C20orf203: variants seen among roughly 807,000 people sequenced by gnomAD.
The protein encoded by C20orf203 is uncharacterized protein C20orf203.
Under a neutral mutation model 15.9 loss-of-function variants are expected in C20orf203, and 16 were observed. The observed-to-expected ratio is 1.01, with a 90% CI of 0.68 to 1.53. The LOEUF (loss-of-function observed/expected upper bound fraction) is 1.53. Ranked by LOEUF, C20orf203 falls within the 40% of genes most tolerant of loss-of-function variation. The pLI, the probability that C20orf203 is intolerant of heterozygous loss-of-function variation, is 0.00. For missense variants in C20orf203, 263 were observed against 247.5 expected (o/e 1.06, Z -0.42); for synonymous variants, 98 against 97.2 (o/e 1.01, Z -0.05).
intron 1 of C20orf203, among the ~76,000 whole-genome samples, chr20:32,672,938 G>T (rs1983208283): frequency 6.6e-6 from 1 of 152,158 alleles, no homozygotes; most frequent in African/African-American, 2.4e-5. Context: ...GAAGATGGCT[G>T]GTAGGAAGGC....
chr20:32,666,437 G>A (rs1384181341), intron 1 of C20orf203, among the ~76,000 whole-genome samples: 6 of 148,636 alleles, frequency 4.0e-5, no homozygotes, highest in Admixed American at 6.7e-5. Flanking sequence ...ACTGCACTCC[G>A]GCTTGGGCAA....
rs934676485 is a variant in C20orf203, at chr20:32,651,287, C to T, written c.-14-121G>A. On this transcript the variant is annotated intron_variant, in intron 2 of 5. Coordinates refer to ENST00000608990, the MANE Select transcript of C20orf203 (RefSeq NM_182584.4). Reference sequence around the variant, plus strand: ...TCACTTCAGCCCAGAAGGTTGAGGCCGTAGTGAGCCATGATCGCCCCACTA... The same window carrying T: ...TCACTTCAGCCCAGAAGGTTGAGGCTGTAGTGAGCCATGATCGCCCCACTA... The T allele has an allele frequency of 3.4e-5, 14 of 406,286 alleles. 1 individual carries two copies. In the South Asian group the frequency reaches 6.5e-4, roughly 19 times the overall value. 25.2% of individuals were successfully genotyped at this position (406,286 alleles called of 1,614,324 possible).
At chr20:32,661,233 G>A (rs1178405944) in intron 1 of C20orf203, among the ~76,000 whole-genome samples, 4 of 152,178 alleles carry the variant, frequency 2.6e-5, no homozygotes, top group African/African-American at 9.7e-5. Context: ...CCTTCTCCAG[G>A]TGCCAGGCTC....
At chr20:32,673,077 G>C (rs1225943438) in intron 1 of C20orf203, among the ~76,000 whole-genome samples, 1 of 152,150 alleles carries the variant, frequency 6.6e-6, no homozygotes, top group Non-Finnish European at 1.5e-5. Flanking sequence ...TGGTAGTAAG[G>C]GCTGGGCATC....
chr20:32,634,161 T>C lies in C20orf203; in HGVS notation c.*1409A>G, dbSNP rs1387889528. On this transcript the variant is annotated 3_prime_UTR_variant, in exon 6 of 6. Coordinates refer to ENST00000608990, the MANE Select transcript of C20orf203 (RefSeq NM_182584.4). ...CCAGAGACCCAGAGAGATGCAGCTC[T>C]GATGGAGATGGCGCAGGCACGGGCT... 1.3e-5 allele frequency: 5 copies of C among 398,334 alleles called. No individual in the cohort carries two copies. The highest frequency in any genetic ancestry group is 2.2e-5 in the Non-Finnish European group (5 of 226,068). 24.7% of individuals were successfully genotyped at this position (398,334 alleles called of 1,614,324 possible).
At position 32,648,428 on chromosome 20, in the gene C20orf203, C is replaced by CTTTTTT. The variant is rs56838832; in HGVS notation, c.*1177+821_*1177+826dup. Among the ~76,000 whole-genome samples, 19 of 80,392 alleles carry CTTTTTT rather than the reference C, an allele frequency of 2.4e-4. 2 individuals carry two copies. Among genetic ancestry groups the CTTTTTT allele is most frequent in the East Asian group, 8.3e-4 (2 of 2,400 alleles). The allele number at this position is 80,392 out of a possible 152,430, so 52.7% of individuals were successfully genotyped here. Reference sequence around the variant, plus strand: ...GGCACTAACCATTGCCTGAAACTGTCTTTTTTTTTTTTTTTTTTTTTTTTT... The same window carrying CTTTTTT: ...GGCACTAACCATTGCCTGAAACTGTCTTTTTTTTTTTTTTTTTTTTTTTTTTTTTTT... On this transcript the variant is annotated intron_variant, in intron 4 of 5. Coordinates refer to ENST00000608990, the MANE Select transcript of C20orf203 (RefSeq NM_182584.4).
chr20:32,671,840 CAAAAAAAAAAA>C (rs869043468), intron 1 of C20orf203, among the ~76,000 whole-genome samples: 1 of 66,308 alleles, frequency 1.5e-5, no homozygotes, highest in Non-Finnish European at 2.6e-5. Flanking sequence ...ACTCTGTCTC[CAAAAAAAAAAA>C]AAAAAAAAAA....
intron 5 of C20orf203, among the ~76,000 whole-genome samples, chr20:32,639,687 G>C (rs1271882439): frequency 6.6e-6 from 1 of 151,414 alleles, no homozygotes; most frequent in Non-Finnish European, 1.5e-5. Flanking sequence ...GCTGGTGCCA[G>C]GCACACAGTG....
intron 1 of C20orf203, among the ~76,000 whole-genome samples, chr20:32,652,611 G>T (rs940926207): frequency 9.2e-5 from 14 of 152,052 alleles, no homozygotes; most frequent in Admixed American, 3.3e-4. Context: ...TATCCTGGAG[G>T]TATCTAGGAG....
chr20:32,672,387 C>T (rs1983193617), intron 1 of C20orf203, among the ~76,000 whole-genome samples: 1 of 151,622 alleles, frequency 6.6e-6, no homozygotes, highest in Admixed American at 6.6e-5. Context: ...AAATATATTA[C>T]ATATATATTA....
intron 4 of C20orf203, among the ~76,000 whole-genome samples, chr20:32,645,446 C>T (rs1982398265): frequency 6.6e-6 from 1 of 152,320 alleles, no homozygotes; most frequent in East Asian, 1.9e-4. Context: ...TATTCCTCTC[C>T]TTGATGACCC....
At chr20:32,662,912 C>A (rs1982925739) in intron 1 of C20orf203, among the ~76,000 whole-genome samples, 1 of 125,166 alleles carries the variant, frequency 8.0e-6, no homozygotes, top group African/African-American at 3.2e-5. Flanking sequence ...AAGAAAGGAA[C>A]AGCTAGATAT....
chr20:32,650,523 A>C lies in C20orf203; in HGVS notation c.494T>G (p.Phe165Cys), dbSNP rs1340741378. 3.2e-6 allele frequency: 5 copies of C among 1,550,312 alleles called. No individual in the cohort carries two copies. The highest frequency in any genetic ancestry group is 2.0e-5 in the Admixed American group (1 of 50,986). ...CTTGCCTGGCAAGGATGGGAGGCAGAAGTCCTGGAAACATGTTGAGGTCCA... is the reference window on the plus strand; with the variant it reads ...CTTGCCTGGCAAGGATGGGAGGCAGCAGTCCTGGAAACATGTTGAGGTCCA... ...LAWTSTCFQDFCLPSLPGKLP... is the reference protein window; with the variant it reads ...LAWTSTCFQDCCLPSLPGKLP... The change falls in exon 4 of 6, where the codon TTC (phenylalanine) becomes TGC (cysteine). Residue 165 changes from phenylalanine (F) to cysteine (C), a missense_variant. By Grantham distance (205) the Phe-to-Cys change is radical (BLOSUM62 -2). Transcript: ENST00000608990.
In C20orf203 at chr20:32,633,294, G is replaced by A. The variant is rs1377772403; in HGVS notation, c.*2276C>T. ...GTAAGGACATTCTCCAAGATCTTGT[G>A]GTTGATCCGTGGAGGCCTGGGATGG... On this transcript the variant is annotated 3_prime_UTR_variant, in exon 6 of 6. Coordinates refer to ENST00000608990, the MANE Select transcript of C20orf203 (RefSeq NM_182584.4). The A allele has an allele frequency of 6.6e-6, 1 of 152,184 alleles. No homozygotes were observed. Among genetic ancestry groups the A allele is most frequent in the Non-Finnish European group, 1.5e-5 (1 of 68,048 alleles). The allele number at this position is 152,184 out of a possible 1,614,324, so 9.4% of individuals were successfully genotyped here.
intron 5 of C20orf203, among the ~76,000 whole-genome samples, chr20:32,635,175 T>C (rs1009514465): frequency 4.7e-5 from 7 of 150,256 alleles, no homozygotes; most frequent in Non-Finnish European, 5.9e-5. Flanking sequence ...GTCTGGGGAA[T>C]AGAGTGAGAC....
chr20:32,673,384 C>T (rs1983221898), intron 1 of C20orf203, among the ~76,000 whole-genome samples: 8 of 152,140 alleles, frequency 5.3e-5, no homozygotes, highest in Admixed American at 5.2e-4. Context: ...TGGCTGGCGC[C>T]TCAGCCATAG....
rs114617510 is a variant in C20orf203 at position 32,657,058 on chromosome 20, T to A, written c.-263-5077A>T. ...GTAACATAGATAAACCTTACAAACA[T>A]CATGCTGGGGCCAGACACAGTGGTT... On this transcript the variant is annotated intron_variant, in intron 1 of 5. Coordinates refer to ENST00000608990, the MANE Select transcript of C20orf203 (RefSeq NM_182584.4). The A allele has an allele frequency of 4.1e-3, 620 of 152,658 alleles. 2 individuals are homozygous for A. The highest frequency in any genetic ancestry group is 0.014 in the African/African-American group (597 of 41,442). 9.5% of individuals were successfully genotyped at this position (152,658 alleles called of 1,614,324 possible).
chr20:32,670,360 G>T (rs898261861), intron 1 of C20orf203, among the ~76,000 whole-genome samples: 1 of 151,346 alleles, frequency 6.6e-6, no homozygotes, highest in African/African-American at 2.4e-5. Flanking sequence ...ACAAAAATTA[G>T]CCAGGTGTGG....
intron 1 of C20orf203, chr20:32,657,619 G>C (rs1982793169): frequency 6.6e-6 from 1 of 151,618 alleles, no homozygotes; most frequent in African/African-American, 2.4e-5. Context: ...CATCGATGAG[G>C]TCCAAGATAT....
Sources: gnomAD v4.1 joint callset for allele counts (sites outside exome capture counted in the v4.1 genomes callset) on GRCh38, gnomAD v4.1.1 for gene constraint, MANE v1.5 for transcripts, NCBI Gene and HGNC (gene_info 2026-07-23, HGNC 2026-07-21) for gene names.